Variants in PLSCR1 observed in about 807,000 individuals in gnomAD.
PLSCR1 encodes PL scramblase 1.
Under a neutral mutation model 37.8 loss-of-function variants are expected in PLSCR1, and 17 were observed. The ratio of observed to expected loss-of-function variants is 0.45; its 90% CI spans 0.31 to 0.68. The LOEUF (loss-of-function observed/expected upper bound fraction) is 0.68, where lower values mean the gene tolerates loss of function less well. PLSCR1 is among the 30% of genes least tolerant of loss of function. The pLI is 0.06. For synonymous variants in PLSCR1, 116 were observed against 125.9 expected (o/e 0.92, Z 0.53); for missense variants, 347 against 380.9 (o/e 0.91, Z 0.74).
chr3:146,531,618 T>C (rs1380599057), intron 3 of PLSCR1, among the ~76,000 whole-genome samples: 1 of 152,224 alleles, frequency 6.6e-6, no homozygotes, highest in Non-Finnish European at 1.5e-5. Flanking sequence ...GTATCATTTA[T>C]GTAAAGACTA....
rs2044025498 is a variant in PLSCR1 at position 146,521,833 on chromosome 3, C to T, written c.576G>A (p.Glu192=). ...SSCCCPCCLQ[E]IEIQAPPGVP... is the part of the protein sequence containing the mutation. Reference sequence around the variant, plus strand: ...AGTGCCCTGGTAATTGATCACAGACCTCCTGAAGGCAGCAGGGACAACAAC... The same window carrying T: ...AGTGCCCTGGTAATTGATCACAGACTTCCTGAAGGCAGCAGGGACAACAAC... The change falls in exon 6 of 9, where the codon GAG becomes GAA. Residue 192 remains glutamate, a splice_region_variant and synonymous_variant. Transcript: ENST00000342435. The T allele has an allele frequency of 6.2e-7, 1 of 1,610,142 alleles. No homozygotes were observed. Among genetic ancestry groups the T allele is most frequent in the Admixed American group, 1.7e-5 (1 of 59,930 alleles).
At chr3:146,523,205 A>C (rs1419529336) in intron 5 of PLSCR1, among the ~76,000 whole-genome samples, 1 of 152,166 alleles carries the variant, frequency 6.6e-6, no homozygotes, top group Admixed American at 6.5e-5. Flanking sequence ...AACACCCACA[A>C]GTGTGGAGGG....
intron 2 of PLSCR1, among the ~76,000 whole-genome samples, chr3:146,533,772 G>C (rs1444762355): frequency 6.6e-6 from 1 of 152,176 alleles, no homozygotes; most frequent in Non-Finnish European, 1.5e-5. Flanking sequence ...AAATGAGACA[G>C]TTAAGTTACT....
chr3:146,521,600 G>C lies in PLSCR1; in HGVS notation c.682C>G (p.Leu228Val). 6.2e-7 allele frequency: 1 copy of C among 1,613,882 alleles called. No individual in the cohort carries two copies. The highest frequency in any genetic ancestry group is 8.5e-7 in the Non-Finnish European group (1 of 1,179,840). The change falls in exon 7 of 9, where the codon CTA (leucine) becomes GTA (valine). Residue 228 changes from leucine (L) to valine (V), a missense_variant. By Grantham distance (32) the Leu-to-Val change is conservative. Coordinates refer to ENST00000342435, the MANE Select transcript of PLSCR1 (RefSeq NM_021105.3). ...TIQNEKREDV[L>V]KISGPCVVCS... Reference sequence around the variant, plus strand: ...ACAACACATGGACCACTTATTTTTAGTACATCCTCTCTTTTCTCATTTTGA... The same window carrying C: ...ACAACACATGGACCACTTATTTTTACTACATCCTCTCTTTTCTCATTTTGA...
chr3:146,518,217 T>C (rs2043972307), intron 7 of PLSCR1, among the ~76,000 whole-genome samples: 1 of 152,170 alleles, frequency 6.6e-6, no homozygotes, highest in South Asian at 2.1e-4. Context: ...GTAGTGTCCT[T>C]AAACTTGGCT....
At chr3:146,530,718 A>G (rs1004931950) in intron 3 of PLSCR1, among the ~76,000 whole-genome samples, 3 of 152,232 alleles carry the variant, frequency 2.0e-5, no homozygotes, top group Non-Finnish European at 4.4e-5. Flanking sequence ...TGTCATAAGA[A>G]AGAAGACGAC....
chr3:146,536,378 C>CTA lies in PLSCR1; in HGVS notation c.13+160_13+161dup, dbSNP rs147799057. Among the ~76,000 whole-genome samples, 127 of 152,244 alleles carry CTA rather than the reference C, an allele frequency of 8.3e-4. 5 individuals carry two copies. In the East Asian group the frequency reaches 0.023, roughly 28 times the overall value. On this transcript the variant is annotated intron_variant, in intron 2 of 8. Coordinates refer to ENST00000342435, the MANE Select transcript of PLSCR1 (RefSeq NM_021105.3). The stretch of plus-strand genomic sequence containing the variant: ...ATAGTGCTATTTTTGTACATCTTCT[C>CTA]TATAGTCAAAATACTGAACTAGACA...
chr3:146,536,784 T>C (rs1576796538), intron 1 of PLSCR1: 2 of 470,920 alleles, frequency 4.2e-6, no homozygotes, highest in East Asian at 3.2e-5. Flanking sequence ...GGTCAGCTCA[T>C]GATGGTGAAC....
chr3:146,525,325 GA>G (rs1188237063), intron 5 of PLSCR1, among the ~76,000 whole-genome samples: 1 of 152,152 alleles, frequency 6.6e-6, no homozygotes, highest in Non-Finnish European at 1.5e-5. Flanking sequence ...GTAGAAGTCA[GA>G]AAAAAAGTGA....
chr3:146,544,056 C>T (rs374168074), intron 1 of PLSCR1, among the ~76,000 whole-genome samples: 26 of 152,290 alleles, frequency 1.7e-4, no homozygotes, highest in East Asian at 1.5e-3. Flanking sequence ...AGCCCCACTA[C>T]GCTGGCACAT....
intron 5 of PLSCR1, among the ~76,000 whole-genome samples, chr3:146,522,686 T>C (rs2044043195): frequency 6.6e-6 from 1 of 151,980 alleles, no homozygotes; most frequent in Non-Finnish European, 1.5e-5. Flanking sequence ...CCGTAAAGGG[T>C]CTGCACTGAG....
At chr3:146,537,685 G>T (rs1040195641) in intron 1 of PLSCR1, among the ~76,000 whole-genome samples, 2 of 152,010 alleles carry the variant, frequency 1.3e-5, no homozygotes, top group Admixed American at 1.3e-4. Context: ...ATCAGCCTGG[G>T]CAACATGGAC....
In PLSCR1 at chr3:146,528,706, A is replaced by T. The variant is rs772181196; in HGVS notation, c.220T>A (p.Tyr74Asn). Residue 74 changes from tyrosine to asparagine, a missense_variant, in exon 4 of 9, where the codon TAT becomes AAT. Transcript: ENST00000342435. ...CCTGCAGCTCCAACTGGCTGATTAT[A>T]TACTGGCTGATTATACACTGGCTGA... ...PNQPVYNQPV[Y>N]NQPVGAAGVP... 1 of 1,605,872 alleles carries T rather than the reference A, an allele frequency of 6.2e-7. No individual in the cohort carries two copies. Among genetic ancestry groups the T allele is most frequent in the African/African-American group, 1.3e-5 (1 of 74,824 alleles).
intron 5 of PLSCR1, among the ~76,000 whole-genome samples, chr3:146,523,965 C>T (rs1393407256): frequency 6.6e-6 from 1 of 152,134 alleles, no homozygotes; most frequent in East Asian, 1.9e-4. Context: ...TCTATAATGC[C>T]TATGTGGAAA....
intron 7 of PLSCR1, 168 bp from the exon 8 acceptor site, chr3:146,517,335 C>G (rs2043961439): frequency 2.8e-6 from 1 of 359,086 alleles, no homozygotes; most frequent in Non-Finnish European, 4.9e-6. Context: ...ATGAAAAAAA[C>G]TGTTTCATTG....
chr3:146,521,167 G>A (rs1329989574), intron 7 of PLSCR1, among the ~76,000 whole-genome samples: 3 of 152,158 alleles, frequency 2.0e-5, no homozygotes, highest in African/African-American at 4.8e-5. Flanking sequence ...TTGAGCATTG[G>A]CAGATGATAT....
chr3:146,516,844 G>A (rs1284377777), intron 8 of PLSCR1, 162 bp downstream of exon 8: 1 of 546,042 alleles, frequency 1.8e-6, no homozygotes. Flanking sequence ...TGACCCCAGA[G>A]TGTCAGGATC....
At chr3:146,527,710 C>A (rs62272756) in intron 4 of PLSCR1, among the ~76,000 whole-genome samples, 363 of 152,100 alleles carry the variant, frequency 2.4e-3, no homozygotes, top group African/African-American at 7.9e-3. Context: ...ACCAAAAATT[C>A]CTATGATTAT....
intron 4 of PLSCR1, among the ~76,000 whole-genome samples, chr3:146,527,763 T>C (rs564705160): frequency 6.6e-6 from 1 of 152,184 alleles, no homozygotes; most frequent in African/African-American, 2.4e-5. Flanking sequence ...CTAAAGAGAG[T>C]GCAAGAAAGA....
Sources: allele counts gnomAD v4.1 joint callset (sites outside exome capture counted in the v4.1 genomes callset), GRCh38; gene constraint gnomAD v4.1.1; transcripts MANE v1.5; gene names NCBI Gene and HGNC (gene_info 2026-07-23, HGNC 2026-07-21).